Variants in NLGN1 observed in about 807,000 individuals in gnomAD.
The protein encoded by NLGN1 is neuroligin 1.
In NLGN1, 12 loss-of-function variants were observed where a neutral mutation model predicts 65.5. The ratio of observed to expected loss-of-function variants is 0.18; its 90% CI spans 0.12 to 0.30. NLGN1 has a LOEUF of 0.30. Among genes scored for constraint, NLGN1 ranks in the 10% least tolerant of loss-of-function variants. The pLI is 1.00. For synonymous variants in NLGN1, 350 were observed against 359.5 expected, an observed-to-expected ratio of 0.97 and a Z score of 0.30; for missense variants, 750 against 1,007.1, an observed-to-expected ratio of 0.74 and a Z score of 3.46.
chr3:173,725,221 A>G (rs1290558771), intron 3 of NLGN1, among the ~76,000 whole-genome samples: 1 of 152,186 alleles, frequency 6.6e-6, no homozygotes, highest in Non-Finnish European at 1.5e-5. Context: ...CCATATCACT[A>G]GGTAGCATAC....
chr3:173,748,657 C>T (rs886234261), intron 3 of NLGN1, among the ~76,000 whole-genome samples: 1 of 152,100 alleles, frequency 6.6e-6, no homozygotes, highest in African/African-American at 2.4e-5. Context: ...TTCTCCATAA[C>T]ATCACCTGTA....
intron 4 of NLGN1, among the ~76,000 whole-genome samples, chr3:174,206,923 G>A (rs1053748278): frequency 6.6e-6 from 1 of 152,054 alleles, no homozygotes; most frequent in African/African-American, 2.4e-5. Flanking sequence ...AGTACTTCTG[G>A]TTGAAAGTCT....
chr3:173,626,518 A>G (rs1308041712), intron 3 of NLGN1, among the ~76,000 whole-genome samples: 1 of 151,116 alleles, frequency 6.6e-6, no homozygotes, highest in Non-Finnish European at 1.5e-5. Flanking sequence ...AAATGTTTCA[A>G]AATTAAAGCA....
chr3:173,625,971 CT>C (rs1442574856), intron 3 of NLGN1, among the ~76,000 whole-genome samples: 7 of 151,922 alleles, frequency 4.6e-5, no homozygotes, highest in Admixed American at 4.6e-4. Context: ...ATAAATACAG[CT>C]TTGGTAATTG....
intron 4 of NLGN1, among the ~76,000 whole-genome samples, chr3:174,131,209 T>C (rs1356029518): frequency 2.6e-5 from 4 of 152,222 alleles, no homozygotes; most frequent in Admixed American, 6.5e-5. Flanking sequence ...AGATTAATAA[T>C]TATAGTATTA....
intron 4 of NLGN1, among the ~76,000 whole-genome samples, chr3:174,208,397 C>T (rs957217456): frequency 6.6e-6 from 1 of 152,124 alleles, no homozygotes; most frequent in African/African-American, 2.4e-5. Flanking sequence ...CAGGTGGTCA[C>T]TCAAATGGCA....
intron 4 of NLGN1, among the ~76,000 whole-genome samples, chr3:173,915,720 A>G (rs926723689): frequency 6.6e-6 from 1 of 152,186 alleles, no homozygotes; most frequent in South Asian, 2.1e-4. Context: ...TTAGAGGCTC[A>G]CATTCTATAA....
intron 4 of NLGN1, among the ~76,000 whole-genome samples, chr3:173,870,378 G>A (rs1730948914): frequency 6.6e-6 from 1 of 152,106 alleles, no homozygotes; most frequent in South Asian, 2.1e-4. Context: ...ACTAAGTGTT[G>A]AAAGAATAAA....
At chr3:173,408,614 T>G (rs533013393) in intron 1 of NLGN1, among the ~76,000 whole-genome samples, 3 of 152,174 alleles carry the variant, frequency 2.0e-5, no homozygotes, top group African/African-American at 7.2e-5. Flanking sequence ...CTATAACTTC[T>G]CAAGAATAGG....
At chr3:173,927,429 C>T (rs187934265) in intron 4 of NLGN1, among the ~76,000 whole-genome samples, 17 of 152,190 alleles carry the variant, frequency 1.1e-4, no homozygotes, top group Middle Eastern at 3.4e-3. Flanking sequence ...AGTCTCTCAT[C>T]TAGTGTGAAT....
chr3:173,624,273 T>C (rs529846250), intron 3 of NLGN1, among the ~76,000 whole-genome samples: 4 of 152,172 alleles, frequency 2.6e-5, no homozygotes, highest in Non-Finnish European at 4.4e-5. Context: ...TTGTAATAGA[T>C]TACAGGGTTA....
intron 4 of NLGN1, among the ~76,000 whole-genome samples, chr3:174,201,334 A>C: frequency 1.5e-5 from 2 of 132,970 alleles, no homozygotes; most frequent in Non-Finnish European, 3.2e-5. Context: ...GGAGGAGGGA[A>C]GGTGGGAGGA....
intron 2 of NLGN1, among the ~76,000 whole-genome samples, chr3:173,554,465 A>AT (rs1169455467): frequency 3.9e-5 from 6 of 152,004 alleles, no homozygotes; most frequent in African/African-American, 7.2e-5. Flanking sequence ...CCCATTGTGC[A>AT]TTTTTTTCTC....
chr3:174,284,325 A>T (rs1473551422), exon 7 of NLGN1: 1 of 151,392 alleles, frequency 6.6e-6, no homozygotes, highest in African/African-American at 2.4e-5. Context: ...AACTGTTTTT[A>T]AAGCTGAAAC....
At chr3:173,905,396 T>A (rs1344859865) in intron 4 of NLGN1, among the ~76,000 whole-genome samples, 1 of 151,896 alleles carries the variant, frequency 6.6e-6, no homozygotes, top group Admixed American at 6.6e-5. Context: ...AGCAATACGT[T>A]AAGAAAGATT....
chr3:173,969,313 G>A (rs931972692), intron 4 of NLGN1, among the ~76,000 whole-genome samples: 9 of 151,968 alleles, frequency 5.9e-5, no homozygotes, highest in African/African-American at 2.2e-4. Context: ...TGGAGAAACA[G>A]ATTATTTCCT....
intron 4 of NLGN1, among the ~76,000 whole-genome samples, chr3:174,144,282 A>G (rs1188951237): frequency 6.6e-6 from 1 of 152,172 alleles, no homozygotes; most frequent in Non-Finnish European, 1.5e-5. Flanking sequence ...TCCATGGTGT[A>G]TATGTGCCAC....
chr3:173,916,388 A>G (rs567693926), intron 4 of NLGN1, among the ~76,000 whole-genome samples: 2 of 152,284 alleles, frequency 1.3e-5, no homozygotes, highest in African/African-American at 4.8e-5. Flanking sequence ...GATCACCCTA[A>G]GTGGAAGGAC....
chr3:173,734,787 A>G (rs1242705583), intron 3 of NLGN1, among the ~76,000 whole-genome samples: 1 of 152,036 alleles, frequency 6.6e-6, no homozygotes, highest in Non-Finnish European at 1.5e-5. Flanking sequence ...TTTCCTCAGT[A>G]GGAATTTTCC....
Sources: gnomAD v4.1 joint callset for allele counts (sites outside exome capture counted in the v4.1 genomes callset) on GRCh38, gnomAD v4.1.1 for gene constraint, MANE v1.5 for transcripts, NCBI Gene and HGNC (gene_info 2026-07-23, HGNC 2026-07-21) for gene names.